Variants in ZAP70 observed in about 807,000 individuals in gnomAD.
ZAP70 encodes zeta chain of T cell receptor associated protein kinase 70.
In ZAP70, 27 loss-of-function variants were observed where a neutral mutation model predicts 65.8. The ratio of observed to expected loss-of-function variants is 0.41; its 90% CI spans 0.30 to 0.57. The LOEUF (loss-of-function observed/expected upper bound fraction) is 0.57, where lower values mean the gene tolerates loss of function less well. Among genes scored for constraint, ZAP70 ranks in the 20% least tolerant of loss-of-function variants. The pLI is 0.28. For missense variants in ZAP70, 696 were observed against 870.5 expected (o/e 0.80, Z 2.52); for synonymous variants, 363 against 360.8 (o/e 1.01, Z -0.07).
chr2:97,751,783 G>A, the ZAP70 span, among the ~76,000 whole-genome samples: 6 of 152,314 alleles, frequency 3.9e-5, no homozygotes, highest in African/African-American at 1.2e-4. Context: ...GGAGAGCCCC[G>A]TGCAGACCAC....
chr2:97,752,316 CTTAATTAA>C, the ZAP70 span, among the ~76,000 whole-genome samples: 1 of 152,180 alleles, frequency 6.6e-6, no homozygotes, highest in African/African-American at 2.4e-5. Context: ...AATTACCTGG[CTTAATTAA>C]TATTGTTGCC....
the ZAP70 span, among the ~76,000 whole-genome samples, chr2:97,750,181 G>A: frequency 2.0e-5 from 3 of 152,192 alleles, no homozygotes; most frequent in Non-Finnish European, 4.4e-5. Flanking sequence ...CCATGCCACT[G>A]CACTCATGTG....
chr2:97,722,153 T>A (rs890189091), intron 2 of ZAP70, among the ~76,000 whole-genome samples: 1 of 151,948 alleles, frequency 6.6e-6, no homozygotes, highest in Non-Finnish European at 1.5e-5. Context: ...TGATCTCGGC[T>A]CAATGGAATC....
At chr2:97,748,882 C>T in the ZAP70 span, among the ~76,000 whole-genome samples, 1 of 152,160 alleles carries the variant, frequency 6.6e-6, no homozygotes, top group Non-Finnish European at 1.5e-5. Flanking sequence ...CTTTCCCTCC[C>T]GTGGGAGGCC....
chr2:97,722,827 T>C (rs1271653342), intron 2 of ZAP70, among the ~76,000 whole-genome samples: 4 of 152,260 alleles, frequency 2.6e-5, no homozygotes, highest in Non-Finnish European at 5.9e-5. Flanking sequence ...TCGGTCAGTG[T>C]TATTTTTGGG....
intron 7 of ZAP70, 56 bp downstream of exon 7, chr2:97,733,399 G>T (rs374930707): frequency 6.9e-6 from 11 of 1,588,696 alleles, no homozygotes; most frequent in South Asian, 3.4e-5. Flanking sequence ...GAGTGGCTGT[G>T]GGGGAGGCTG....
intron 4 of ZAP70, among the ~76,000 whole-genome samples, chr2:97,730,907 T>A (rs1454352884): frequency 1.3e-5 from 2 of 151,802 alleles, no homozygotes; most frequent in Non-Finnish European, 2.9e-5. Flanking sequence ...TACAAAAAAT[T>A]AGCTGGGCGT....
In ZAP70 at chr2:97,734,878, G is replaced by C; in HGVS notation, c.1082+166G>C. On this transcript the variant is annotated intron_variant, in intron 9 of 13. Coordinates refer to ENST00000264972, the MANE Select transcript of ZAP70 (RefSeq NM_001079.4). ...GCTGGAGGATTCCCTGAGAGAGCTC[G>C]GGACACCTGACGGGGGTGGGATGGG... 4.1e-6 allele frequency: 4 copies of C among 968,222 alleles called. No individual in the cohort carries two copies. In the East Asian group the frequency reaches 7.9e-5, roughly 19 times the overall value. The allele number at this position is 968,222 out of a possible 1,614,324, so 60.0% of individuals were successfully genotyped here.
Position 97,737,245 on chromosome 2 carries a change from C to T in ZAP70, c.1290-228C>T, listed in dbSNP as rs1413428297. Among the ~76,000 whole-genome samples, 2 of 152,074 alleles carry T rather than the reference C, an allele frequency of 1.3e-5. No homozygotes were observed. Among genetic ancestry groups the T allele is most frequent in the Non-Finnish European group, 2.9e-5 (2 of 68,012 alleles). On this transcript the variant is annotated intron_variant, in intron 10 of 13. Coordinates refer to ENST00000264972, the MANE Select transcript of ZAP70 (RefSeq NM_001079.4). This position sits in a 1 kb window ranked among gnomAD's most constrained non-coding sequence, Gnocchi z 5.0. Reference sequence around the variant, plus strand: ...ATAGGTCTAGACTTGGGAGTCGTAGCGTGTGGGTGATCCCTAAAGCCTTGA... The same window carrying T: ...ATAGGTCTAGACTTGGGAGTCGTAGTGTGTGGGTGATCCCTAAAGCCTTGA...
intron 2 of ZAP70, among the ~76,000 whole-genome samples, chr2:97,722,723 C>T (rs145171254): frequency 1.2e-4 from 19 of 152,316 alleles, no homozygotes; most frequent in African/African-American, 4.3e-4. Flanking sequence ...TCAGTGTTTT[C>T]GTTGACTTTA....
At chr2:97,738,348 A>G in intron 13 of ZAP70, 1 of 576,222 alleles carries the variant, frequency 1.7e-6, no homozygotes, top group South Asian at 1.9e-5. Context: ...CTCAGCATCT[A>G]AAACCTCAGC....
At chr2:97,743,558 A>T (rs894962180), downstream of ZAP70, among the ~76,000 whole-genome samples, 1 of 150,512 alleles carries the variant, frequency 6.6e-6, no homozygotes, top group Non-Finnish European at 1.5e-5. Context: ...CTGGTCTTGA[A>T]CTCCTGATCT....
At chr2:97,729,170 G>A (rs1223435465) in intron 4 of ZAP70, among the ~76,000 whole-genome samples, 2 of 152,228 alleles carry the variant, frequency 1.3e-5, no homozygotes, top group Non-Finnish European at 1.5e-5. Flanking sequence ...AGTTATATGA[G>A]ATCATGGTTG....
At chr2:97,744,509 CAA>C (rs1465805043), downstream of ZAP70, among the ~76,000 whole-genome samples, 1 of 152,148 alleles carries the variant, frequency 6.6e-6, no homozygotes, top group Non-Finnish European at 1.5e-5. Flanking sequence ...TGAAGTGAAA[CAA>C]TGCATTAGTT....
intron 8 of ZAP70, 184 bp downstream of exon 8, chr2:97,733,779 C>T: frequency 1.4e-6 from 1 of 722,786 alleles, no homozygotes; most frequent in Non-Finnish European, 2.4e-6. Flanking sequence ...ACATGTACGT[C>T]CCAGTGTGTA....
At chr2:97,729,592 G>C (rs1247948221) in intron 4 of ZAP70, among the ~76,000 whole-genome samples, 1 of 152,208 alleles carries the variant, frequency 6.6e-6, no homozygotes, top group East Asian at 1.9e-4. Flanking sequence ...TCGTGAACCA[G>C]AGACAGATGT....
chr2:97,724,129 C>T lies in ZAP70; in HGVS notation c.93C>T (p.Asp31=). 6.4e-7 allele frequency: 1 copy of T among 1,566,050 alleles called. No individual in the cohort carries two copies. The highest frequency in any genetic ancestry group is 1.2e-5 in the South Asian group (1 of 86,690). ...EEHLKLAGMA[D]GLFLLRQCLR... ...ACCTGAAGCTGGCGGGCATGGCGGA[C>T]GGGCTCTTCCTGCTGCGCCAGTGCC... Residue 31 remains aspartate, a synonymous_variant, in exon 3 of 14, where the codon GAC becomes GAT. Transcript: ENST00000264972.
intron 2 of ZAP70, among the ~76,000 whole-genome samples, chr2:97,721,720 C>T (rs1051177828): frequency 2.6e-5 from 4 of 151,162 alleles, no homozygotes; most frequent in Admixed American, 6.6e-5. Context: ...CGTGAGCCAC[C>T]GCAGCCGGCC....
rs919508605 is a variant in ZAP70 at position 97,739,823 on chromosome 2, A to G, written c.*325A>G. ...GGAGCCTGGGCATCCTCAGGTGGTC[A>G]GGCGTAGATCACCAGAATAAACCCA... is the stretch of plus-strand genomic sequence containing the variant. On this transcript the variant is annotated 3_prime_UTR_variant, in exon 14 of 14. Transcript: ENST00000264972. The G allele has an allele frequency of 2.6e-5, 11 of 415,956 alleles. No homozygotes were observed. Among genetic ancestry groups the G allele is most frequent in the African/African-American group, 2.2e-4 (11 of 50,154 alleles). The allele number at this position is 415,956 out of a possible 1,614,324, so 25.8% of individuals were successfully genotyped here. A position where few individuals can be genotyped will look rare whatever the true frequency, so the allele number is the denominator to read the frequency against.
Sources: gnomAD v4.1 joint callset for allele counts (sites outside exome capture counted in the v4.1 genomes callset) on GRCh38, gnomAD v4.1.1 for gene constraint, Gnocchi (gnomAD v3.1) non-coding constraint, MANE v1.5 for transcripts, NCBI Gene and HGNC (gene_info 2026-07-23, HGNC 2026-07-21) for gene names.